Variants in NCK1 observed in about 807,000 individuals in gnomAD.
NCK1 encodes NCK adaptor protein 1.
Under a neutral mutation model 36.6 loss-of-function variants are expected in NCK1, and 19 were observed. That is an observed-to-expected ratio of 0.52 (90% CI 0.36 to 0.76). NCK1 has a LOEUF of 0.76. Ranked by LOEUF, NCK1 falls within the 30% of genes least tolerant of loss-of-function variation. NCK1 has a pLI of 0.00. For missense variants in NCK1, 358 were observed against 445.6 expected (o/e 0.80, Z 1.77); for synonymous variants, 165 against 156.0 (o/e 1.06, Z -0.43).
intron 1 of NCK1, among the ~76,000 whole-genome samples, chr3:136,864,490 A>C (rs1277791183): frequency 2.7e-5 from 4 of 150,060 alleles, no homozygotes; most frequent in Non-Finnish European, 1.5e-5. Flanking sequence ...TCCGTCACAC[A>C]CACACAAAAA....
chr3:136,944,112 C>CTTTTTTTTTTTTT (rs72327296), intron 2 of NCK1, among the ~76,000 whole-genome samples: 1 of 43,782 alleles, frequency 2.3e-5, no homozygotes, highest in African/African-American at 6.1e-5. Context: ...GAAAAACAAC[C>CTTTTTTTTTTTTT]TTTTTTTTTT....
intron 1 of NCK1, among the ~76,000 whole-genome samples, chr3:136,867,117 T>C (rs1243231780): frequency 2.2e-4 from 6 of 26,974 alleles, no homozygotes; most frequent in Non-Finnish European, 2.9e-4. Context: ...TCTTTCTTTC[T>C]TTGTTTCTTT....
At chr3:136,910,696 G>T (rs1939810302) in intron 1 of NCK1, among the ~76,000 whole-genome samples, 1 of 152,104 alleles carries the variant, frequency 6.6e-6, no homozygotes, top group South Asian at 2.1e-4. Flanking sequence ...GGTACAATGG[G>T]ATGTTCTGAC....
At chr3:136,920,904 A>G (rs1219266028) in intron 1 of NCK1, among the ~76,000 whole-genome samples, 2 of 152,230 alleles carry the variant, frequency 1.3e-5, no homozygotes, top group African/African-American at 4.8e-5. Context: ...ATATTTTTAA[A>G]TTTCTAAAAA....
intron 1 of NCK1, among the ~76,000 whole-genome samples, chr3:136,925,621 C>G (rs1431419954): frequency 1.3e-5 from 2 of 152,092 alleles, no homozygotes; most frequent in South Asian, 2.1e-4. Context: ...ATATAGTTAA[C>G]CTTTGAGATT....
chr3:136,935,841 TCAC>T (rs1940515385), intron 2 of NCK1, among the ~76,000 whole-genome samples: 1 of 152,118 alleles, frequency 6.6e-6, no homozygotes, highest in African/African-American at 2.4e-5. Context: ...CCAAAAATAG[TCAC>T]TCTCAATCAG....
chr3:136,864,468 A>G (rs1938351518), intron 1 of NCK1, among the ~76,000 whole-genome samples: 1 of 150,364 alleles, frequency 6.7e-6, no homozygotes, highest in Admixed American at 6.7e-5. Flanking sequence ...CAGCCTGGCA[A>G]CAGAGCAAGA....
At chr3:136,908,712 C>G (rs1262136697) in intron 1 of NCK1, among the ~76,000 whole-genome samples, 3 of 152,128 alleles carry the variant, frequency 2.0e-5, no homozygotes, top group African/African-American at 7.2e-5. Context: ...TGCCATGTCC[C>G]TTACTCAAAA....
intron 1 of NCK1, among the ~76,000 whole-genome samples, chr3:136,882,546 A>ACT (rs1295296406): frequency 9.3e-6 from 1 of 107,074 alleles, no homozygotes; most frequent in African/African-American, 3.7e-5. Flanking sequence ...TTCCCACATC[A>ACT]CTGTGTGTGT....
chr3:136,894,173 GGTT>G (rs1939332688), intron 1 of NCK1, among the ~76,000 whole-genome samples: 1 of 152,134 alleles, frequency 6.6e-6, no homozygotes. Flanking sequence ...ACCAAGTGGT[GGTT>G]GTGGCTTTAG....
At chr3:136,935,150 C>T (rs1201995261) in intron 2 of NCK1, among the ~76,000 whole-genome samples, 1 of 152,172 alleles carries the variant, frequency 6.6e-6, no homozygotes, top group Non-Finnish European at 1.5e-5. Flanking sequence ...ATCTGCCTGC[C>T]TCGGCCTCCC....
intron 1 of NCK1, among the ~76,000 whole-genome samples, chr3:136,895,126 C>T (rs376716847): frequency 6.6e-6 from 1 of 152,104 alleles, no homozygotes; most frequent in Admixed American, 6.6e-5. Context: ...CCACCCGCCT[C>T]GGCCTCCCAA....
intron 2 of NCK1, among the ~76,000 whole-genome samples, chr3:136,942,146 G>C (rs1940695557): frequency 6.6e-6 from 1 of 152,086 alleles, no homozygotes; most frequent in South Asian, 2.1e-4. Context: ...CCTCTCTTTA[G>C]CATTTCTTAG....
intron 2 of NCK1, among the ~76,000 whole-genome samples, chr3:136,943,204 A>G (rs914402395): frequency 5.3e-5 from 8 of 152,082 alleles, no homozygotes; most frequent in African/African-American, 1.9e-4. Flanking sequence ...TTACCAGCTC[A>G]TTAATTGCAT....
At chr3:136,871,501 T>C (rs1165024568) in intron 1 of NCK1, among the ~76,000 whole-genome samples, 1 of 152,236 alleles carries the variant, frequency 6.6e-6, no homozygotes, top group African/African-American at 2.4e-5. Flanking sequence ...TAGATATCTG[T>C]GTAGTCATCA....
chr3:136,876,365 G>A (rs950731400), intron 1 of NCK1, among the ~76,000 whole-genome samples: 15 of 152,252 alleles, frequency 9.9e-5, no homozygotes, highest in Non-Finnish European at 1.8e-4. Context: ...GAATCCAGGA[G>A]CTGGTTTTTT....
At chr3:136,899,668 A>T in intron 1 of NCK1, 2 of 736,902 alleles carry the variant, frequency 2.7e-6, no homozygotes, top group South Asian at 2.8e-5. Flanking sequence ...ATCTTATCCA[A>T]ATCTAAATAA....
At chr3:136,927,396 A>G (rs566195654) in intron 1 of NCK1, among the ~76,000 whole-genome samples, 2 of 152,372 alleles carry the variant, frequency 1.3e-5, no homozygotes, top group East Asian at 1.9e-4. Flanking sequence ...TACTAGGTAC[A>G]TAGAAGTTTA....
chr3:136,873,453 A>G (rs1050688830), intron 1 of NCK1, among the ~76,000 whole-genome samples: 13 of 152,290 alleles, frequency 8.5e-5, no homozygotes, highest in Admixed American at 7.8e-4. Flanking sequence ...TTACAGGCTC[A>G]TAGGCAGAAG....
Sources: gnomAD v4.1 joint callset for allele counts (sites outside exome capture counted in the v4.1 genomes callset) on GRCh38, gnomAD v4.1.1 for gene constraint, MANE v1.5 for transcripts, NCBI Gene and HGNC (gene_info 2026-07-23, HGNC 2026-07-21) for gene names.